Variants in MROH9 observed in about 807,000 individuals in gnomAD.
MROH9 encodes maestro heat like repeat family member 9.
MROH9 carries 92 observed loss-of-function variants against 98.2 expected under a neutral mutation model. The observed-to-expected ratio is 0.94, with a 90% CI of 0.79 to 1.11. The LOEUF (loss-of-function observed/expected upper bound fraction) is 1.11, where lower values mean the gene tolerates loss of function less well. Among genes scored for constraint, MROH9 ranks in the 50% most tolerant of loss-of-function variants. The probability of loss-of-function intolerance (pLI) is 0.00; values close to 1 mark genes in which losing one functional copy is unlikely to be tolerated. For missense variants in MROH9, 1,057 were observed against 1,014.8 expected (o/e 1.04, Z -0.57); for synonymous variants, 397 against 368.9 (o/e 1.08, Z -0.87).
At chr1:171,011,050 C>T (rs1169125298) in intron 15 of MROH9, among the ~76,000 whole-genome samples, 2 of 152,066 alleles carry the variant, frequency 1.3e-5, no homozygotes, top group Non-Finnish European at 2.9e-5. Flanking sequence ...TGCCTAGGTT[C>T]TCTTCTAGGA....
intron 8 of MROH9, among the ~76,000 whole-genome samples, chr1:170,976,344 T>C (rs758454407): frequency 1.4e-5 from 2 of 145,876 alleles, no homozygotes; most frequent in South Asian, 4.4e-4. Context: ...AGATCAGTGG[T>C]AATGAATTTC....
At chr1:170,991,694 G>A (rs1002011603) in intron 11 of MROH9, among the ~76,000 whole-genome samples, 1 of 152,016 alleles carries the variant, frequency 6.6e-6, no homozygotes, top group Non-Finnish European at 1.5e-5. Context: ...TCTGAGCTCA[G>A]TTTTGTTTTT....
intron 3 of MROH9, among the ~76,000 whole-genome samples, chr1:170,950,293 ATAAT>A (rs1649499360): frequency 6.6e-6 from 1 of 152,098 alleles, no homozygotes; most frequent in Non-Finnish European, 1.5e-5. Flanking sequence ...AGTACTAACA[ATAAT>A]TATGAGACTG....
chr1:170,990,995 G>T (rs1651334775), intron 11 of MROH9, among the ~76,000 whole-genome samples: 1 of 152,118 alleles, frequency 6.6e-6, no homozygotes, highest in Admixed American at 6.6e-5. Context: ...AAAGATCTTT[G>T]TAAGATGATT....
chr1:170,946,205 A>T (rs769485919), intron 2 of MROH9, among the ~76,000 whole-genome samples: 2 of 151,994 alleles, frequency 1.3e-5, no homozygotes, highest in Non-Finnish European at 2.9e-5. Flanking sequence ...AAAATCTTGT[A>T]TTTTTTTCAT....
intron 20 of MROH9, 115 bp from the exon 21 acceptor site, chr1:171,062,017 G>A (rs1290827978): frequency 3.1e-6 from 2 of 655,546 alleles, no homozygotes; most frequent in Non-Finnish European, 2.7e-6. Context: ...GATGACTCAA[G>A]GATAATATAG....
At chr1:170,957,806 T>TTTTG in intron 3 of MROH9, among the ~76,000 whole-genome samples, 1 of 147,552 alleles carries the variant, frequency 6.8e-6, no homozygotes, top group East Asian at 2.0e-4. Context: ...TTTTTTTTTT[T>TTTTG]TTTGTTTGTT....
rs548747412 is a variant in MROH9 at position 171,056,912 on chromosome 1, A to G, written c.2282-5220A>G. Among the ~76,000 whole-genome samples, 5 of 152,282 alleles carry G rather than the reference A, an allele frequency of 3.3e-5. No homozygotes were observed. In the East Asian group the frequency reaches 7.7e-4, roughly 24 times the overall value. On this transcript the variant is annotated intron_variant, in intron 20 of 21. Transcript: ENST00000367759. ...TTGAAAGAAAAACAAACAAAAAGCA[A>G]CAACAACAGCACCAACAACAAAAAA... is the stretch of plus-strand genomic sequence containing the variant.
chr1:170,947,582 T>C lies in MROH9; in HGVS notation c.72+9T>C. 1 of 1,606,664 alleles carries C rather than the reference T, an allele frequency of 6.2e-7. No homozygotes were observed. Among genetic ancestry groups the C allele is most frequent in the Non-Finnish European group, 8.5e-7 (1 of 1,174,132 alleles). On this transcript the variant is annotated intron_variant, in intron 3 of 21. Coordinates refer to ENST00000367759, the MANE Select transcript of MROH9 (RefSeq NM_001163629.2). ...TGAAATGGCACCACATGGTAAGTGA[T>C]ATTCTATAAGGATATCAACGTAACT... is the stretch of plus-strand genomic sequence containing the variant.
At chr1:170,946,795 A>C (rs1451098761) in intron 2 of MROH9, among the ~76,000 whole-genome samples, 1 of 152,038 alleles carries the variant, frequency 6.6e-6, no homozygotes. Flanking sequence ...AGTTTCTAAA[A>C]ATTTCATAAG....
intron 20 of MROH9, among the ~76,000 whole-genome samples, chr1:171,033,089 G>C (rs538016852): frequency 6.6e-6 from 1 of 152,350 alleles, no homozygotes; most frequent in South Asian, 2.1e-4. Flanking sequence ...GCTGCGGAGG[G>C]ACAAGTCTTG....
intron 15 of MROH9, among the ~76,000 whole-genome samples, chr1:171,001,810 G>T (rs1191743915): frequency 6.6e-6 from 1 of 152,148 alleles, no homozygotes; most frequent in Non-Finnish European, 1.5e-5. Context: ...TTTCTGTCTT[G>T]ATGACTTGTT....
intron 20 of MROH9, among the ~76,000 whole-genome samples, chr1:171,040,806 G>A (rs1169475584): frequency 6.6e-6 from 1 of 151,996 alleles, no homozygotes; most frequent in Non-Finnish European, 1.5e-5. Context: ...CCATCTGGTT[G>A]TTAAAATCAT....
intron 3 of MROH9, among the ~76,000 whole-genome samples, chr1:170,956,868 G>A (rs1475325528): frequency 1.3e-5 from 2 of 151,992 alleles, no homozygotes; most frequent in African/African-American, 4.8e-5. Flanking sequence ...TGATTTCTCT[G>A]GCTAGGACTT....
At chr1:171,001,408 G>T (rs184098139) in intron 15 of MROH9, among the ~76,000 whole-genome samples, 1 of 152,034 alleles carries the variant, frequency 6.6e-6, no homozygotes. Context: ...TCTTAGCACC[G>T]TCTTAGCTGT....
intron 8 of MROH9, among the ~76,000 whole-genome samples, chr1:170,979,471 T>A (rs530764682): frequency 6.6e-6 from 1 of 152,318 alleles, no homozygotes; most frequent in Admixed American, 6.5e-5. Context: ...AAATGGATAT[T>A]TATAGGCAGA....
At chr1:171,036,326 T>C (rs1045296680) in intron 20 of MROH9, among the ~76,000 whole-genome samples, 3 of 152,110 alleles carry the variant, frequency 2.0e-5, no homozygotes, top group Non-Finnish European at 4.4e-5. Flanking sequence ...TACTTTTATA[T>C]GTGTACTTTT....
intron 1 of MROH9, among the ~76,000 whole-genome samples, chr1:170,940,838 A>G (rs1172635739): frequency 6.6e-6 from 1 of 152,148 alleles, no homozygotes; most frequent in Non-Finnish European, 1.5e-5. Flanking sequence ...CTTCCAGCTT[A>G]CTATGTTCCT....
At chr1:171,008,877 T>C (rs1364642278) in intron 15 of MROH9, among the ~76,000 whole-genome samples, 2 of 152,114 alleles carry the variant, frequency 1.3e-5, no homozygotes, top group Non-Finnish European at 2.9e-5. Flanking sequence ...TGCTACCTTT[T>C]GCATAAGAGA....
Sources: gnomAD v4.1 joint callset for allele counts (sites outside exome capture counted in the v4.1 genomes callset) on GRCh38, gnomAD v4.1.1 for gene constraint, MANE v1.5 for transcripts, NCBI Gene and HGNC (gene_info 2026-07-23, HGNC 2026-07-21) for gene names.